The following SOX5 variants were observed in gnomAD, a reference collection of about 807,000 sequenced individuals.
SOX5 encodes transcription factor SOX-5.
In SOX5, 9 loss-of-function variants were observed where a neutral mutation model predicts 92.0. The observed-to-expected ratio is 0.10, with a 90% CI of 0.06 to 0.17. SOX5 has a LOEUF of 0.17. SOX5 is among the 10% of genes least tolerant of loss of function. The pLI, the probability that SOX5 is intolerant of heterozygous loss-of-function variation, is 1.00. For synonymous variants in SOX5, 344 were observed against 336.3 expected, an observed-to-expected ratio of 1.02 and a Z score of -0.25; for missense variants, 642 against 944.5, an observed-to-expected ratio of 0.68 and a Z score of 4.20.
At chr12:23,858,877 T>C (rs910716003) in intron 2 of SOX5, among the ~76,000 whole-genome samples, 12 of 152,216 alleles carry the variant, frequency 7.9e-5, no homozygotes, top group African/African-American at 2.4e-4. Flanking sequence ...CTAATACTTT[T>C]ATAATTTCTT....
intron 1 of SOX5, among the ~76,000 whole-genome samples, chr12:23,947,143 A>C (rs2139724415): frequency 6.6e-6 from 1 of 152,118 alleles, no homozygotes; most frequent in Admixed American, 6.5e-5. Context: ...AAATGATCAC[A>C]TAAAACTTTT....
At chr12:24,053,980 C>T (rs539580537) in intron 4 of SOX5, among the ~76,000 whole-genome samples, 22 of 152,276 alleles carry the variant, frequency 1.4e-4, no homozygotes, top group African/African-American at 4.3e-4. Flanking sequence ...AGAGATTCTC[C>T]CCCAAGCTCT....
chr12:23,965,312 T>C (rs1437801302), intron 4 of SOX5, among the ~76,000 whole-genome samples: 1 of 152,198 alleles, frequency 6.6e-6, no homozygotes, highest in East Asian at 1.9e-4. Context: ...TGGCCTGCAC[T>C]ACGTTTGAGG....
chr12:23,723,395 T>C (rs1051347598), intron 6 of SOX5, among the ~76,000 whole-genome samples: 1 of 151,850 alleles, frequency 6.6e-6, no homozygotes, highest in Non-Finnish European at 1.5e-5. Context: ...AAAGGAACTA[T>C]GTATGGGAGG....
At chr12:23,854,376 G>A (rs541163087) in intron 2 of SOX5, among the ~76,000 whole-genome samples, 2 of 151,996 alleles carry the variant, frequency 1.3e-5, no homozygotes, top group African/African-American at 4.8e-5. Context: ...AGAAACTGGA[G>A]GCAGAAGTCA....
chr12:23,757,264 A>T (rs1214257486), intron 3 of SOX5, among the ~76,000 whole-genome samples: 1 of 151,942 alleles, frequency 6.6e-6, no homozygotes, highest in Non-Finnish European at 1.5e-5. Flanking sequence ...TTTCCCTCAG[A>T]ACAAAATACA....
At chr12:23,818,003 T>C (rs986554633) in intron 3 of SOX5, among the ~76,000 whole-genome samples, 4 of 152,244 alleles carry the variant, frequency 2.6e-5, no homozygotes, top group Admixed American at 1.3e-4. Context: ...AAAGGAGATA[T>C]TGACTCCTTC....
chr12:24,464,838 C>A (rs1258165238), intron 1 of SOX5, among the ~76,000 whole-genome samples: 3 of 152,184 alleles, frequency 2.0e-5, no homozygotes, highest in Non-Finnish European at 2.9e-5. Flanking sequence ...GTAATGTAGG[C>A]ACTTTCAAAG....
chr12:23,793,487 G>C (rs2095511752), intron 3 of SOX5, among the ~76,000 whole-genome samples: 1 of 152,110 alleles, frequency 6.6e-6, no homozygotes, highest in Non-Finnish European at 1.5e-5. Context: ...TATTTAAGAA[G>C]AACTATACTG....
At chr12:24,148,498 AAAAAAAG>A (rs1368101389) in intron 4 of SOX5, among the ~76,000 whole-genome samples, 26 of 141,404 alleles carry the variant, frequency 1.8e-4, no homozygotes, top group East Asian at 4.1e-4. Context: ...AAAAAAAAAA[AAAAAAAG>A]AGAGAGAGAG....
chr12:23,966,938 A>T (rs566596496), intron 4 of SOX5, among the ~76,000 whole-genome samples: 7 of 152,318 alleles, frequency 4.6e-5, no homozygotes, highest in African/African-American at 1.7e-4. Flanking sequence ...ACTACTCTTC[A>T]TACCAGTGAT....
chr12:23,807,917 G>A (rs541393911), intron 3 of SOX5, among the ~76,000 whole-genome samples: 1 of 152,000 alleles, frequency 6.6e-6, no homozygotes, highest in South Asian at 2.1e-4. Flanking sequence ...CAAAGCGTTG[G>A]GATTACAGGT....
At chr12:24,339,163 CCACACACACACACA>C (rs56243419) in intron 2 of SOX5, among the ~76,000 whole-genome samples, 10 of 140,382 alleles carry the variant, frequency 7.1e-5, no homozygotes, top group African/African-American at 2.4e-4. Context: ...TCTCTCTCTG[CCACACACACACACA>C]CACACACACA....
At chr12:23,574,094 T>A (rs184644733) in intron 10 of SOX5, among the ~76,000 whole-genome samples, 2 of 151,826 alleles carry the variant, frequency 1.3e-5, no homozygotes, top group Non-Finnish European at 2.9e-5. Context: ...CAGCAATAAA[T>A]AATACATTAG....
intron 1 of SOX5, among the ~76,000 whole-genome samples, chr12:24,410,782 C>T (rs1963932718): frequency 6.6e-6 from 1 of 152,128 alleles, no homozygotes; most frequent in Admixed American, 6.5e-5. Context: ...GTTCTTTTAG[C>T]TATTCTAATT....
intron 4 of SOX5, among the ~76,000 whole-genome samples, chr12:24,036,302 G>C (rs11047221): frequency 6.6e-6 from 1 of 152,022 alleles, no homozygotes; most frequent in Non-Finnish European, 1.5e-5. Context: ...CCTTAGGAAG[G>C]GGGTAGTCCC....
intron 4 of SOX5, among the ~76,000 whole-genome samples, chr12:24,001,827 G>A (rs1951638914): frequency 6.6e-6 from 1 of 152,154 alleles, no homozygotes; most frequent in African/African-American, 2.4e-5. Flanking sequence ...ATGCAGGTAT[G>A]GGGGTGCACA....
At chr12:23,652,866 T>C (rs2081795366) in intron 7 of SOX5, among the ~76,000 whole-genome samples, 1 of 152,128 alleles carries the variant, frequency 6.6e-6, no homozygotes, top group African/African-American at 2.4e-5. Flanking sequence ...ATACAGGCAA[T>C]CTGTAGTATT....
intron 4 of SOX5, among the ~76,000 whole-genome samples, chr12:24,089,170 T>C (rs976501773): frequency 1.3e-5 from 2 of 152,126 alleles, no homozygotes; most frequent in Non-Finnish European, 2.9e-5. Flanking sequence ...AAGAGAAATA[T>C]AATTTCTAGC....
Sources: gnomAD v4.1 joint callset for allele counts (sites outside exome capture counted in the v4.1 genomes callset) on GRCh38, gnomAD v4.1.1 for gene constraint, MANE v1.5 for transcripts, NCBI Gene and HGNC (gene_info 2026-07-23, HGNC 2026-07-21) for gene names.